The following CEP170 variants were observed in gnomAD, a reference collection of about 807,000 sequenced individuals.
CEP170 encodes centrosomal protein 170.
In CEP170, 21 loss-of-function variants were observed where a neutral mutation model predicts 151.9. That is an observed-to-expected ratio of 0.14 (90% confidence interval 0.10 to 0.20). The LOEUF is 0.20. Ranked by LOEUF, CEP170 falls within the 10% of genes least tolerant of loss-of-function variation. The probability of loss-of-function intolerance (pLI) is 1.00; values close to 1 mark genes in which losing one functional copy is unlikely to be tolerated. For missense variants in CEP170, 964 were observed against 1,892.9 expected, an observed-to-expected ratio of 0.51 and a Z score of 9.11; for synonymous variants, 356 against 648.8, an observed-to-expected ratio of 0.55 and a Z score of 6.86.
intron 2 of CEP170, among the ~76,000 whole-genome samples, 152 bp downstream of exon 2, chr1:243,225,024 A>C (rs964340866): frequency 6.6e-6 from 1 of 152,190 alleles, no homozygotes; most frequent in Non-Finnish European, 1.5e-5. Flanking sequence ...TAGATGATTC[A>C]AGGGGGCAAA....
At position 243,186,028 on chromosome 1, in the gene CEP170, C is replaced by T; in HGVS notation, c.1317G>A (p.Gly439=). 1.9e-6 allele frequency: 3 copies of T among 1,613,722 alleles called. No individual in the cohort carries two copies. Among genetic ancestry groups the T allele is most frequent in the Non-Finnish European group, 2.5e-6 (3 of 1,179,690 alleles). ...HHRGGHGVPH[G]KLLKQKSEEP... Reference sequence around the variant, plus strand: ...CCTCTGATTTCTGTTTTAACAATTTCCCATGTGGAACACCATGCCCCCCTC... The same window carrying T: ...CCTCTGATTTCTGTTTTAACAATTTTCCATGTGGAACACCATGCCCCCCTC... The change falls in exon 10 of 20, where the codon GGG becomes GGA. Residue 439 remains glycine (G), a synonymous_variant. Transcript: ENST00000366542.
At chr1:243,135,631 T>C (rs1203464036) in intron 17 of CEP170, 1 of 152,294 alleles carries the variant, frequency 6.6e-6, no homozygotes, top group African/African-American at 2.4e-5. Context: ...TTTCTCAATT[T>C]TTCTAGAAGA....
chr1:243,213,775 AC>A (rs1251820410), intron 3 of CEP170, among the ~76,000 whole-genome samples: 1 of 152,162 alleles, frequency 6.6e-6, no homozygotes, highest in Admixed American at 6.5e-5. Context: ...AGTGGCATGG[AC>A]CACATCTCAT....
intron 1 of CEP170, among the ~76,000 whole-genome samples, chr1:243,238,226 G>A (rs1438421407): frequency 6.6e-6 from 1 of 152,076 alleles, no homozygotes; most frequent in Non-Finnish European, 1.5e-5. Context: ...GAGGTGGGAC[G>A]ATCACTTGAG....
chr1:243,228,185 G>C (rs2063455143), intron 1 of CEP170, among the ~76,000 whole-genome samples: 1 of 152,056 alleles, frequency 6.6e-6, no homozygotes, highest in Admixed American at 6.6e-5. Context: ...CCAAAATCCT[G>C]TAAAATGCAG....
intron 10 of CEP170, among the ~76,000 whole-genome samples, chr1:243,177,251 A>T (rs1186827324): frequency 6.6e-6 from 1 of 152,260 alleles, no homozygotes; most frequent in Non-Finnish European, 1.5e-5. Context: ...GCATAAAACT[A>T]TAGTAATACA....
intron 1 of CEP170, among the ~76,000 whole-genome samples, chr1:243,239,205 C>T (rs761307999): frequency 3.3e-5 from 5 of 152,178 alleles, no homozygotes; most frequent in South Asian, 2.1e-4. Context: ...TTTCATCTAA[C>T]GAAATGTGCC....
chr1:243,223,697 G>A (rs1471773784), intron 2 of CEP170, among the ~76,000 whole-genome samples: 5 of 152,062 alleles, frequency 3.3e-5, no homozygotes, highest in Non-Finnish European at 7.4e-5. Flanking sequence ...GTGAGGAGTG[G>A]GCCTGTTATG....
chr1:243,240,987 C>G (rs1464087639), intron 1 of CEP170, among the ~76,000 whole-genome samples: 1 of 152,126 alleles, frequency 6.6e-6, no homozygotes, highest in Admixed American at 6.5e-5. Flanking sequence ...GCCACCGTGC[C>G]CAGCCAGAAG....
chr1:243,148,512 T>G (rs2056753904), intron 14 of CEP170, among the ~76,000 whole-genome samples: 1 of 152,180 alleles, frequency 6.6e-6, no homozygotes, highest in South Asian at 2.1e-4. Context: ...AGGCAGAGGT[T>G]GCAGTGAGCT....
intron 8 of CEP170, among the ~76,000 whole-genome samples, chr1:243,187,610 A>T (rs1336275565): frequency 3.3e-5 from 5 of 152,192 alleles, no homozygotes. Context: ...ACTGAATAAT[A>T]TGGTACCAAA....
intron 1 of CEP170, among the ~76,000 whole-genome samples, chr1:243,243,248 C>T (rs755274444): frequency 1.3e-5 from 2 of 151,912 alleles, no homozygotes; most frequent in Non-Finnish European, 2.9e-5. Flanking sequence ...AGGAAAGAGT[C>T]ATAGGGTAAA....
At chr1:243,199,550 T>C (rs1199663629) in intron 6 of CEP170, among the ~76,000 whole-genome samples, 7 of 152,104 alleles carry the variant, frequency 4.6e-5, no homozygotes, top group East Asian at 1.9e-4. Context: ...AAGAACAAGT[T>C]TGTTGAAACT....
chr1:243,239,518 T>G (rs1457052604), intron 1 of CEP170, among the ~76,000 whole-genome samples: 2 of 152,220 alleles, frequency 1.3e-5, no homozygotes, highest in Admixed American at 1.3e-4. Context: ...TAGCTCCCTA[T>G]AGAGTTCAAG....
intron 1 of CEP170, among the ~76,000 whole-genome samples, chr1:243,227,737 T>C (rs1285035076): frequency 6.6e-6 from 1 of 152,188 alleles, no homozygotes; most frequent in African/African-American, 2.4e-5. Context: ...TCAGGGCAAA[T>C]GTCAATACAA....
chr1:243,238,457 G>GAA (rs933828068), intron 1 of CEP170, among the ~76,000 whole-genome samples: 9 of 143,920 alleles, frequency 6.3e-5, no homozygotes, highest in Non-Finnish European at 1.4e-4. Flanking sequence ...AACTGCCCTG[G>GAA]AAAAAAAAAA....
intron 10 of CEP170, 29 bp from the exon 11 acceptor site, chr1:243,172,875 A>C (rs760929331): frequency 5.3e-6 from 8 of 1,518,378 alleles, no homozygotes; most frequent in East Asian, 4.9e-5. Flanking sequence ...TTATAAATGA[A>C]AACGAAAAGT....
At chr1:243,150,128 G>C (rs1354655652) in intron 14 of CEP170, among the ~76,000 whole-genome samples, 1 of 152,034 alleles carries the variant, frequency 6.6e-6, no homozygotes, top group Non-Finnish European at 1.5e-5. Context: ...CAACAAATCA[G>C]GGAACGAGAC....
chr1:243,155,315 G>A (rs1282510269), intron 14 of CEP170, among the ~76,000 whole-genome samples: 1 of 152,050 alleles, frequency 6.6e-6, no homozygotes, highest in Non-Finnish European at 1.5e-5. Context: ...AGAAGTCAAT[G>A]AAATAAAGAA....
Sources: gnomAD v4.1 joint callset for allele counts (sites outside exome capture counted in the v4.1 genomes callset) on GRCh38, gnomAD v4.1.1 for gene constraint, MANE v1.5 for transcripts, NCBI Gene and HGNC (gene_info 2026-07-23, HGNC 2026-07-21) for gene names.